The following CNR1 variants were observed in gnomAD, a reference collection of about 807,000 sequenced individuals.
CNR1 encodes cannabinoid receptor 1 (brain).
Under a neutral mutation model 23.0 loss-of-function variants are expected in CNR1, and 10 were observed. The ratio of observed to expected loss-of-function variants is 0.43; its 90% CI spans 0.27 to 0.74. The LOEUF is 0.74. Among genes scored for constraint, CNR1 ranks in the 30% least tolerant of loss-of-function variants. The pLI, the probability that CNR1 is intolerant of heterozygous loss-of-function variation, is 0.19. For synonymous variants in CNR1, 271 were observed against 255.2 expected, an observed-to-expected ratio of 1.06 and a Z score of -0.59; for missense variants, 422 against 618.8, an observed-to-expected ratio of 0.68 and a Z score of 3.37.
rs1043181062 is a variant in CNR1, at chr6:88,166,004, G to A, written c.-265C>T. On this transcript the variant is annotated 5_prime_UTR_variant, in exon 1 of 2. Transcript: ENST00000369501. ...CGGAGGCGGAAAAGAAGTGGAGAAG[G>A]AAGGGGTGGCAGAGGGAGTAGCGTG... 2 of 152,912 alleles carry A rather than the reference G, an allele frequency of 1.3e-5. No individual in the cohort carries two copies. Among genetic ancestry groups the A allele is most frequent in the African/African-American group, 4.8e-5 (2 of 41,462 alleles). The allele number at this position is 152,912 out of a possible 1,614,324, so 9.5% of individuals were successfully genotyped here.
At chr6:88,147,771 C>G (rs562745781) in intron 1 of CNR1, 23 of 152,434 alleles carry the variant, frequency 1.5e-4, no homozygotes, top group African/African-American at 4.6e-4. Flanking sequence ...TAAACGTATG[C>G]TGATTATGTG....
At position 88,148,094 on chromosome 6, in the gene CNR1, C is replaced by T. The variant is rs571479602; in HGVS notation, c.-63-2757G>A. Among the ~76,000 whole-genome samples, 11 of 152,362 alleles carry T rather than the reference C, an allele frequency of 7.2e-5. No individual in the cohort carries two copies. In the South Asian group the frequency reaches 2.1e-3, roughly 29 times the overall value. ...AGCCCTGGCCTTGCCACTTGGGCTACACCAGATGAATTTTAGTTCCATAAA... is the reference window on the plus strand; with the variant it reads ...AGCCCTGGCCTTGCCACTTGGGCTATACCAGATGAATTTTAGTTCCATAAA... On this transcript the variant is annotated intron_variant, in intron 1 of 1. Coordinates refer to ENST00000369501, the MANE Select transcript of CNR1 (RefSeq NM_016083.6).
chr6:88,163,533 G>A (rs1339319089), intron 1 of CNR1, among the ~76,000 whole-genome samples: 1 of 152,198 alleles, frequency 6.6e-6, no homozygotes, highest in Non-Finnish European at 1.5e-5. Context: ...CGTGGTTAAT[G>A]TTAATTTTGA....
intron 1 of CNR1, among the ~76,000 whole-genome samples, chr6:88,161,291 C>T (rs1017333713): frequency 6.6e-6 from 1 of 152,198 alleles, no homozygotes; most frequent in Admixed American, 6.5e-5. Context: ...CATAGTATTC[C>T]CAGAACAACT....
chr6:88,145,554 T>C (rs149864291), intron 1 of CNR1, among the ~76,000 whole-genome samples: 2,313 of 152,304 alleles, frequency 0.015, 72 homozygotes, highest in African/African-American at 0.048. Flanking sequence ...ATGCCAGAAA[T>C]GTATCACCTT....
At chr6:88,163,395 C>T (rs534237379) in intron 1 of CNR1, among the ~76,000 whole-genome samples, 15 of 152,296 alleles carry the variant, frequency 9.8e-5, no homozygotes, top group Admixed American at 8.5e-4. Flanking sequence ...ATTTGGTAAG[C>T]GTGGTGAACT....
chr6:88,155,913 A>C (rs1337676260), intron 1 of CNR1, among the ~76,000 whole-genome samples: 2 of 152,186 alleles, frequency 1.3e-5, no homozygotes, highest in African/African-American at 4.8e-5. Flanking sequence ...ACTTTCCACA[A>C]CACCAGTGAG....
rs1243942278 is a variant in CNR1, at chr6:88,144,252, T to C, written c.1023A>G (p.Leu341=). 1.2e-6 allele frequency: 2 copies of C among 1,611,178 alleles called. No homozygotes were observed. Among genetic ancestry groups the C allele is most frequent in the Non-Finnish European group, 8.5e-7 (1 of 1,179,984 alleles). The change falls in exon 2 of 2, where the codon TTA becomes TTG. Residue 341 remains leucine (L), a synonymous_variant. Coordinates refer to ENST00000369501, the MANE Select transcript of CNR1 (RefSeq NM_016083.6). This position sits in a 1 kb window ranked among gnomAD's most constrained non-coding sequence, Gnocchi z 7.8. ...CCAGGATCAGGACCAGGGTCTTGGC[T>C]AACCTAATGTCCATGCGGGCTTGGT... ...RPDQARMDIR[L]AKTLVLILVV...
rs370487985 is a variant in CNR1, at chr6:88,143,969, C to A, written c.1306G>T (p.Ala436Ser). 1 of 1,614,028 alleles carries A rather than the reference C, an allele frequency of 6.2e-7. No homozygotes were observed. Among genetic ancestry groups the A allele is most frequent in the Non-Finnish European group, 8.5e-7 (1 of 1,180,018 alleles). The change falls in exon 2 of 2, where the codon GCA becomes TCA. Residue 436 changes from alanine to serine, a missense_variant. By Grantham distance (99) the Ala-to-Ser change is moderately conservative. Around this residue, in one of 4 missense-constraint regions of CNR1, gnomAD observed 79 missense variants for 98.0 expected, o/e 0.81. Coordinates refer to ENST00000369501, the MANE Select transcript of CNR1 (RefSeq NM_016083.6). ...CTGTGAACACTGGCTGCATTGTTTG[C>A]GTGTTTGTGCAGGCAGTCCGAGTCC... ...MGDSDCLHKHANNAASVHRAA... is the reference protein window; with the variant it reads ...MGDSDCLHKHSNNAASVHRAA...
intron 1 of CNR1, among the ~76,000 whole-genome samples, chr6:88,154,311 C>T (rs1195201848): frequency 6.6e-6 from 1 of 152,140 alleles, no homozygotes; most frequent in African/African-American, 2.4e-5. Flanking sequence ...AAAGATTTCA[C>T]ATTTAGAGAC....
chr6:88,159,471 A>G (rs1435848652), intron 1 of CNR1, among the ~76,000 whole-genome samples: 1 of 152,252 alleles, frequency 6.6e-6, no homozygotes, highest in Non-Finnish European at 1.5e-5. Context: ...GCACTTAAAT[A>G]TATGACTCTG....
At chr6:88,147,383 A>C (rs115863175) in intron 1 of CNR1, among the ~76,000 whole-genome samples, 1,817 of 152,308 alleles carry the variant, frequency 0.012, 37 homozygotes, top group African/African-American at 0.042. Context: ...AAATTAAAAG[A>C]AAGCATGGGG....
chr6:88,152,055 G>A (rs1201635580), intron 1 of CNR1, among the ~76,000 whole-genome samples: 1 of 151,952 alleles, frequency 6.6e-6, no homozygotes. Flanking sequence ...ACAGTAACTA[G>A]GTTAAAGCCA....
At chr6:88,159,510 C>T (rs1011588713) in intron 1 of CNR1, among the ~76,000 whole-genome samples, 3 of 152,224 alleles carry the variant, frequency 2.0e-5, no homozygotes, top group Non-Finnish European at 2.9e-5. Flanking sequence ...TTAATTATTT[C>T]GTCAATAAAA....
chr6:88,150,998 G>A (rs1777491001), intron 1 of CNR1, among the ~76,000 whole-genome samples: 1 of 152,254 alleles, frequency 6.6e-6, no homozygotes, highest in South Asian at 2.1e-4. Flanking sequence ...CTACAATCAG[G>A]TAGACCACTA....
intron 1 of CNR1, among the ~76,000 whole-genome samples, chr6:88,153,248 C>A (rs1417481012): frequency 6.6e-6 from 1 of 152,150 alleles, no homozygotes; most frequent in African/African-American, 2.4e-5. Flanking sequence ...GCTATGGTAT[C>A]ATCAAAGGAA....
Position 88,144,198 on chromosome 6 carries a change from C to T in CNR1, c.1077G>A (p.Leu359=). The change falls in exon 2 of 2, where the codon CTG becomes CTA. Residue 359 remains leucine (L), a synonymous_variant. Coordinates refer to ENST00000369501, the MANE Select transcript of CNR1 (RefSeq NM_016083.6). This position sits in a 1 kb window ranked among gnomAD's most constrained non-coding sequence, Gnocchi z 7.8. ...AGACATCATACACCATGATTGCAAG[C>T]AGAGGGCCCCAGCAGATGATCAACA... ...LVVLIICWGP[L]LAIMVYDVFG... 6.2e-7 allele frequency: 1 copy of T among 1,612,836 alleles called. No individual in the cohort carries two copies. The highest frequency in any genetic ancestry group is 8.5e-7 in the Non-Finnish European group (1 of 1,179,974).
At chr6:88,167,343 G>A (rs1778407758), upstream of CNR1, among the ~76,000 whole-genome samples, 1 of 152,208 alleles carries the variant, frequency 6.6e-6, no homozygotes, top group Admixed American at 6.5e-5. Flanking sequence ...ACTATCAGCC[G>A]CCGTCTGCCT....
upstream of CNR1, among the ~76,000 whole-genome samples, chr6:88,166,681 G>A (rs912663538): frequency 1.3e-5 from 2 of 152,182 alleles, no homozygotes. Flanking sequence ...GGCCAAGAAG[G>A]GGCTGGTGCA....
Sources: allele counts gnomAD v4.1 joint callset (sites outside exome capture counted in the v4.1 genomes callset), GRCh38; gene constraint gnomAD v4.1.1; regional missense constraint gnomAD v4.1.1; non-coding constraint Gnocchi (gnomAD v3.1); transcripts MANE v1.5; gene names NCBI Gene and HGNC (gene_info 2026-07-23, HGNC 2026-07-21).